The following PNPLA6 variants were observed in gnomAD, a reference collection of about 807,000 sequenced individuals.
PNPLA6 encodes the protein patatin-like phospholipase domain-containing protein 6.
PNPLA6 carries 105 observed loss-of-function variants against 153.7 expected under a neutral mutation model. The ratio of observed to expected loss-of-function variants is 0.68; its 90% CI spans 0.58 to 0.80. PNPLA6 has a LOEUF of 0.80. Among genes scored for constraint, PNPLA6 ranks in the 30% least tolerant of loss-of-function variants. The pLI, the probability that PNPLA6 is intolerant of heterozygous loss-of-function variation, is 0.00. For synonymous variants in PNPLA6, 825 were observed against 822.2 expected, an observed-to-expected ratio of 1.00 and a Z score of -0.06; for missense variants, 1,423 against 1,919.3, an observed-to-expected ratio of 0.74 and a Z score of 4.83.
At chr19:7,549,458 TTACAGGCGTGAGCCACCGCGCCTGGC>T in intron 13 of PNPLA6, among the ~76,000 whole-genome samples, 1 of 150,422 alleles carries the variant, frequency 6.6e-6, no homozygotes, top group Admixed American at 6.7e-5. Flanking sequence ...AGTTCTGGGA[TTACAGGCGTGAGCCACCGCGCCTGGC>T]CTTCTTCTTC....
chr19:7,541,057 T>G lies in PNPLA6; in HGVS notation c.924+6T>G. ...GCTTGGTGCGGGTCGTGCAGGTCAG[T>G]GGGCCTTCGCCTCCTGTCACCCCCT... On this transcript the variant is annotated splice_donor_region_variant and intron_variant, in intron 7 of 31. Transcript: ENST00000600737. This position sits in a 1 kb window ranked among gnomAD's most constrained non-coding sequence, Gnocchi z 5.2. 5.0e-6 allele frequency: 8 copies of G among 1,607,580 alleles called. No individual in the cohort carries two copies. Among genetic ancestry groups the G allele is most frequent in the Non-Finnish European group, 6.8e-6 (8 of 1,178,088 alleles).
chr19:7,550,901 G>C, intron 16 of PNPLA6, 93 bp from the exon 17 acceptor site: 1 of 1,014,218 alleles, frequency 9.9e-7, no homozygotes, highest in Non-Finnish European at 1.5e-6. Flanking sequence ...TTGCAGGGGA[G>C]CCCTAGATGG....
chr19:7,557,223 G>A lies in PNPLA6; in HGVS notation c.3336G>A (p.Pro1112=), dbSNP rs570723263. The A allele has an allele frequency of 6.2e-6, 10 of 1,610,520 alleles. No homozygotes were observed. Among genetic ancestry groups the A allele is most frequent in the African/African-American group, 5.4e-5 (4 of 74,142 alleles). Residue 1112 remains proline (P), a synonymous_variant, in exon 27 of 32, where the codon CCG becomes CCA. Coordinates refer to ENST00000600737, the MANE Select transcript of PNPLA6 (RefSeq NM_001166114.2). ...TGACGCTGTCGGGCTACCTGCCCCCGCTGTGCGACCCCAAGGACGGGCACC... is the reference window on the plus strand; with the variant it reads ...TGACGCTGTCGGGCTACCTGCCCCCACTGTGCGACCCCAAGGACGGGCACC... ...ASMTLSGYLP[P]LCDPKDGHLL... is the part of the protein sequence containing the mutation.
chr19:7,559,193 G>T, intron 28 of PNPLA6, 42 bp downstream of exon 28: 1 of 1,563,228 alleles, frequency 6.4e-7, no homozygotes, highest in Non-Finnish European at 8.8e-7. Context: ...TAGGTGGTCC[G>T]GCTAAGCTTT....
Position 7,555,435 on chromosome 19 carries a change from C to T in PNPLA6, c.2936+68C>T, listed in dbSNP as rs2023835002. On this transcript the variant is annotated intron_variant, in intron 23 of 31. Transcript: ENST00000600737. This position sits in a 1 kb window ranked among gnomAD's most constrained non-coding sequence, Gnocchi z 6.3. ...CGAGGGTGGAGCTTCCTGGGAGAAA[C>T]CGTGGGGGCGGGGCCTGGGTGTTCG... 2 of 1,350,510 alleles carry T rather than the reference C, an allele frequency of 1.5e-6. No homozygotes were observed. The highest frequency in any genetic ancestry group is 4.0e-5 in the Admixed American group (2 of 50,334). 83.7% of individuals were successfully genotyped at this position (1,350,510 alleles called of 1,614,324 possible). A position where few individuals can be genotyped will look rare whatever the true frequency, so the allele number is the denominator to read the frequency against.
chr19:7,555,612 G>A lies in PNPLA6; in HGVS notation c.2942G>A (p.Cys981Tyr). ...GGGGCCCATTTTCCCGGCAGGGGCTGCTCGCACATCGGAGTACTAAAGGCA... is the reference window on the plus strand; with the variant it reads ...GGGGCCCATTTTCCCGGCAGGGGCTACTCGCACATCGGAGTACTAAAGGCA... ...LVLGGGGARG[C>Y]SHIGVLKALE... Residue 981 changes from cysteine (C) to tyrosine (Y), a missense_variant, in exon 24 of 32, where the codon TGC (cysteine) becomes TAC (tyrosine). Transcript: ENST00000600737. This position sits in a 1 kb window ranked among gnomAD's most constrained non-coding sequence, Gnocchi z 6.3. The A allele has an allele frequency of 6.2e-7, 1 of 1,611,706 alleles. No individual in the cohort carries two copies. Among genetic ancestry groups the A allele is most frequent in the Non-Finnish European group, 8.5e-7 (1 of 1,179,528 alleles).
At chr19:7,549,855 T>G in intron 13 of PNPLA6, 52 bp from the exon 14 acceptor site, 1 of 1,558,842 alleles carries the variant, frequency 6.4e-7, no homozygotes, top group Non-Finnish European at 8.8e-7. Flanking sequence ...TGACCTGAGC[T>G]GGGGTCCACG....
In PNPLA6 at chr19:7,549,916, C is replaced by G; in HGVS notation, c.1618C>G (p.Leu540Val). 1 of 1,613,624 alleles carries G rather than the reference C, an allele frequency of 6.2e-7. No individual in the cohort carries two copies. The highest frequency in any genetic ancestry group is 8.5e-7 in the Non-Finnish European group (1 of 1,180,046). The stretch of plus-strand genomic sequence containing the variant: ...TCCCCTGCCCGCACAGGACGTGAGC[C>G]TGCACTTCGTGCTCTGGGGCTGCCT... The part of the protein sequence containing the change: ...IARQGDQDVS[L>V]HFVLWGCLHV... Residue 540 changes from leucine to valine, a missense_variant, in exon 14 of 32, where the codon CTG becomes GTG. By Grantham distance (32) the Leu-to-Val change is conservative (BLOSUM62 1). Around this residue, in one of 10 missense-constraint regions of PNPLA6, gnomAD observed 119 missense variants for 163.7 expected, o/e 0.73. Transcript: ENST00000600737.
intron 18 of PNPLA6, among the ~76,000 whole-genome samples, chr19:7,552,848 C>G (rs114424868): frequency 0.42 from 63,571 of 150,418 alleles, 14,115 homozygotes; most frequent in South Asian, 0.56. Context: ...AGAGGGTCAT[C>G]TTGCCGTGTG....
intron 3 of PNPLA6, 116 bp downstream of exon 3, chr19:7,536,662 C>A: frequency 1.3e-6 from 1 of 755,038 alleles, no homozygotes. Flanking sequence ...CGCTGTGGCT[C>A]ATGCCTGTAA....
At chr19:7,547,822 T>TAAAAAA (rs1439238561) in intron 13 of PNPLA6, among the ~76,000 whole-genome samples, 1 of 41,298 alleles carries the variant, frequency 2.4e-5, no homozygotes, top group African/African-American at 5.0e-5. Context: ...TTTTTTTTTT[T>TAAAAAA]TTTTTTTTTT....
At chr19:7,548,458 T>G (rs954856835) in intron 13 of PNPLA6, among the ~76,000 whole-genome samples, 1 of 151,832 alleles carries the variant, frequency 6.6e-6, no homozygotes, top group Non-Finnish European at 1.5e-5. Context: ...GAATTTGTGT[T>G]GGGCCAAATT....
rs758100401 is a variant in PNPLA6, at chr19:7,549,886, T to C, written c.1609-21T>C. 4.3e-6 allele frequency: 7 copies of C among 1,612,208 alleles called. No individual in the cohort carries two copies. In the South Asian group the frequency reaches 6.6e-5, roughly 15 times the overall value. Reference sequence around the variant, plus strand: ...CCACGCTGTCCGGGTTCTGTGTTCATCACATCCCCTGCCCGCACAGGACGT... The same window carrying C: ...CCACGCTGTCCGGGTTCTGTGTTCACCACATCCCCTGCCCGCACAGGACGT... On this transcript the variant is annotated intron_variant, in intron 13 of 31. Coordinates refer to ENST00000600737, the MANE Select transcript of PNPLA6 (RefSeq NM_001166114.2).
At chr19:7,557,509 C>T (rs976588498) in intron 27 of PNPLA6, 24 of 584,318 alleles carry the variant, frequency 4.1e-5, no homozygotes, top group Admixed American at 4.0e-4. Context: ...TCTGGCCAGG[C>T]GCGGTGGCTC....
chr19:7,556,773 T>TG (rs761937952), intron 26 of PNPLA6, 49 bp downstream of exon 26: 11 of 1,342,908 alleles, frequency 8.2e-6, no homozygotes, highest in South Asian at 2.3e-5. Flanking sequence ...CACGTGGGGT[T>TG]GGGGGGATGC....
At chr19:7,556,298 A>C (rs1396220307) in intron 24 of PNPLA6, among the ~76,000 whole-genome samples, 155 bp from the exon 25 acceptor site, 1 of 151,636 alleles carries the variant, frequency 6.6e-6, no homozygotes, top group Non-Finnish European at 1.5e-5. Context: ...CCTGGCCTCA[A>C]GTGATCTGCC....
At chr19:7,546,564 A>G (rs544096166) in intron 13 of PNPLA6, among the ~76,000 whole-genome samples, 3 of 152,104 alleles carry the variant, frequency 2.0e-5, no homozygotes, top group Non-Finnish European at 4.4e-5. Flanking sequence ...GCACCTGGCC[A>G]TGCCCACCTA....
chr19:7,541,642 C>T lies in PNPLA6; in HGVS notation c.1126C>T (p.Arg376Trp), dbSNP rs780122556. The T allele has an allele frequency of 8.2e-6, 13 of 1,584,884 alleles. No individual in the cohort carries two copies. Among genetic ancestry groups the T allele is most frequent in the African/African-American group, 5.4e-5 (4 of 74,360 alleles). ...ATDEPRETPGRPPDPTGAPLP... is the reference protein window; with the variant it reads ...ATDEPRETPGWPPDPTGAPLP... ...AGACGAGCCCAGGGAGACCCCAGGG[C>T]GGCCACCCGATCCCACCGGGGCCCC... Residue 376 changes from arginine (R) to tryptophan (W), a missense_variant, in exon 9 of 32, where the codon CGG (arginine) becomes TGG (tryptophan). Physicochemically the swap from Arg to Trp is moderately radical, Grantham distance 101 (BLOSUM62 -3). Coordinates refer to ENST00000600737, the MANE Select transcript of PNPLA6 (RefSeq NM_001166114.2). This position sits in a 1 kb window ranked among gnomAD's most constrained non-coding sequence, Gnocchi z 5.2.
In PNPLA6 at chr19:7,541,278, G is replaced by A. The variant is rs915602542; in HGVS notation, c.925-76G>A. 5 of 1,356,720 alleles carry A rather than the reference G, an allele frequency of 3.7e-6. No homozygotes were observed. Among genetic ancestry groups the A allele is most frequent in the East Asian group, 2.4e-5 (1 of 41,594 alleles). 84.0% of individuals were successfully genotyped at this position (1,356,720 alleles called of 1,614,324 possible). A position where few individuals can be genotyped will look rare whatever the true frequency, so the allele number is the denominator to read the frequency against. On this transcript the variant is annotated intron_variant, in intron 7 of 31. Coordinates refer to ENST00000600737, the MANE Select transcript of PNPLA6 (RefSeq NM_001166114.2). The surrounding 1 kb of genome is among the most constrained non-coding windows in gnomAD (Gnocchi z 5.2). ...GTTCCCGCCCGACCCCTTATGCTGCGAACTAGCCCGGCCCACCATCTGGCC... is the reference window on the plus strand; with the variant it reads ...GTTCCCGCCCGACCCCTTATGCTGCAAACTAGCCCGGCCCACCATCTGGCC...
Sources: gnomAD v4.1 joint callset for allele counts (sites outside exome capture counted in the v4.1 genomes callset) on GRCh38, gnomAD v4.1.1 for gene constraint, gnomAD v4.1.1 regional missense constraint, Gnocchi (gnomAD v3.1) non-coding constraint, MANE v1.5 for transcripts, NCBI Gene and HGNC (gene_info 2026-07-23, HGNC 2026-07-21) for gene names.